The following LRRTM4 variants were observed in gnomAD, a reference collection of about 807,000 sequenced individuals.
LRRTM4 encodes leucine-rich repeat transmembrane neuronal protein 4.
Under a neutral mutation model 47.6 loss-of-function variants are expected in LRRTM4, and 25 were observed. The ratio of observed to expected loss-of-function variants is 0.53; its 90% CI spans 0.38 to 0.73. LRRTM4 has a LOEUF of 0.73. Among genes scored for constraint, LRRTM4 ranks in the 30% least tolerant of loss-of-function variants. The pLI, the probability that LRRTM4 is intolerant of heterozygous loss-of-function variation, is 0.00. For missense variants in LRRTM4, 638 were observed against 713.4 expected (o/e 0.89, Z 1.20); for synonymous variants, 311 against 269.5 (o/e 1.15, Z -1.51).
At chr2:76,855,450 T>G (rs1455735510) in intron 3 of LRRTM4, among the ~76,000 whole-genome samples, 2 of 152,180 alleles carry the variant, frequency 1.3e-5, no homozygotes, top group African/African-American at 4.8e-5. Context: ...AAATAATAGA[T>G]TCATATCAAA....
At chr2:76,993,244 T>C (rs745683002) in intron 3 of LRRTM4, among the ~76,000 whole-genome samples, 6 of 151,746 alleles carry the variant, frequency 4.0e-5, no homozygotes, top group Non-Finnish European at 7.4e-5. Context: ...TCAAAAACAA[T>C]TGCAACAAAA....
intron 3 of LRRTM4, among the ~76,000 whole-genome samples, chr2:76,905,062 C>A (rs1038773166): frequency 6.6e-6 from 1 of 152,090 alleles, no homozygotes; most frequent in African/African-American, 2.4e-5. Context: ...GGTCTCTGAC[C>A]CCCTGACCAC....
chr2:76,964,062 C>T (rs764495426), intron 3 of LRRTM4, among the ~76,000 whole-genome samples: 12 of 150,756 alleles, frequency 8.0e-5, no homozygotes, highest in Non-Finnish European at 1.2e-4. Context: ...CAGTGATAGA[C>T]ATCAAATAAA....
At chr2:77,502,953 GT>G (rs140168011) in intron 3 of LRRTM4, among the ~76,000 whole-genome samples, 6,332 of 151,240 alleles carry the variant, frequency 0.042, 456 homozygotes, top group African/African-American at 0.15. Context: ...AATAAAGCCA[GT>G]GCCGAGAGTA....
chr2:77,447,271 A>G (rs1178114398), intron 3 of LRRTM4, among the ~76,000 whole-genome samples: 5 of 151,926 alleles, frequency 3.3e-5, no homozygotes, highest in African/African-American at 1.2e-4. Context: ...CTGTGTGTCT[A>G]TGTGTGTTTG....
intron 3 of LRRTM4, among the ~76,000 whole-genome samples, chr2:76,922,854 G>A (rs1674475249): frequency 6.6e-6 from 1 of 152,066 alleles, no homozygotes; most frequent in Admixed American, 6.6e-5. Flanking sequence ...ACAAAGCAGA[G>A]ACAAGGCTAG....
At chr2:76,780,824 G>T (rs1674337784) in intron 3 of LRRTM4, among the ~76,000 whole-genome samples, 1 of 151,894 alleles carries the variant, frequency 6.6e-6, no homozygotes, top group Non-Finnish European at 1.5e-5. Flanking sequence ...CTTTGGAGGA[G>T]GAGAGGTGCT....
intron 3 of LRRTM4, among the ~76,000 whole-genome samples, chr2:76,977,011 G>C (rs577437709): frequency 5.2e-4 from 68 of 131,364 alleles, no homozygotes; most frequent in African/African-American, 2.1e-3. Flanking sequence ...TTAATAGGCT[G>C]TGTGTGTTTG....
chr2:76,781,091 G>C (rs570208322), intron 3 of LRRTM4, among the ~76,000 whole-genome samples: 1 of 150,134 alleles, frequency 6.7e-6, no homozygotes, highest in East Asian at 1.9e-4. Flanking sequence ...GGACCCACTT[G>C]AGGAGGCAGT....
chr2:77,330,643 A>C (rs1306770610), intron 3 of LRRTM4, among the ~76,000 whole-genome samples: 1 of 152,190 alleles, frequency 6.6e-6, no homozygotes, highest in African/African-American at 2.4e-5. Context: ...GCATGTGTAT[A>C]TATGTTTATT....
rs893824593 is a variant in LRRTM4 at position 77,403,885 on chromosome 2, T to TATATATATATA, written c.1551+114432_1551+114433insTATATATATAT. 3.1e-3 allele frequency among the ~76,000 whole-genome samples: 464 copies of TATATATATATA among 150,366 alleles called. 7 individuals carry two copies. The highest frequency in any genetic ancestry group is 0.011 in the African/African-American group (446 of 40,054). ...TAAATGAGAAATATATATATATATA[T>TATATATATATA]TTTAGGAAAGGCGATTTCATTGAGA... On this transcript the variant is annotated intron_variant, in intron 3 of 3. Transcript: ENST00000409884.
At chr2:77,164,961 A>G (rs968766654) in intron 3 of LRRTM4, among the ~76,000 whole-genome samples, 2 of 152,202 alleles carry the variant, frequency 1.3e-5, no homozygotes, top group African/African-American at 2.4e-5. Flanking sequence ...AATAACTAAG[A>G]TTAGAGCAGA....
intron 3 of LRRTM4, among the ~76,000 whole-genome samples, chr2:77,173,771 C>G (rs950808185): frequency 1.6e-4 from 25 of 152,206 alleles, no homozygotes; most frequent in African/African-American, 5.8e-4. Flanking sequence ...TCCACGCCCC[C>G]ACACATTCCC....
intron 3 of LRRTM4, among the ~76,000 whole-genome samples, chr2:77,456,505 G>C (rs1431133172): frequency 1.3e-5 from 2 of 151,954 alleles, no homozygotes; most frequent in Non-Finnish European, 2.9e-5. Flanking sequence ...CTTCACTCTT[G>C]AGTTTATCCT....
intron 3 of LRRTM4, among the ~76,000 whole-genome samples, chr2:77,379,256 T>C (rs992409402): frequency 2.0e-5 from 3 of 152,118 alleles, no homozygotes; most frequent in African/African-American, 7.2e-5. Context: ...GGCGATCTAG[T>C]TTTTCAGGGA....
At chr2:77,492,125 A>G (rs7587183) in intron 3 of LRRTM4, among the ~76,000 whole-genome samples, 50,235 of 152,020 alleles carry the variant, frequency 0.33, 8,474 homozygotes, top group Middle Eastern at 0.35. Flanking sequence ...AGTGACCCAC[A>G]TTTTTTAAAA....
chr2:76,954,329 G>A (rs769960933), intron 3 of LRRTM4, among the ~76,000 whole-genome samples: 5 of 151,538 alleles, frequency 3.3e-5, no homozygotes, highest in African/African-American at 4.8e-5. Flanking sequence ...TGAACAAAAC[G>A]AGAATATCAG....
chr2:76,772,762 G>A (rs1038278789), intron 3 of LRRTM4: 9 of 152,030 alleles, frequency 5.9e-5, no homozygotes, highest in African/African-American at 2.2e-4. Flanking sequence ...GACTGCAGTT[G>A]TATAACTTTT....
At chr2:77,299,374 TAC>T (rs928634659) in intron 3 of LRRTM4, among the ~76,000 whole-genome samples, 5 of 151,442 alleles carry the variant, frequency 3.3e-5, no homozygotes, top group Non-Finnish European at 7.4e-5. Flanking sequence ...TGTATATATA[TAC>T]GTATATATGT....
Sources: gnomAD v4.1 joint callset for allele counts (sites outside exome capture counted in the v4.1 genomes callset) on GRCh38, gnomAD v4.1.1 for gene constraint, MANE v1.5 for transcripts, NCBI Gene and HGNC (gene_info 2026-07-23, HGNC 2026-07-21) for gene names.